The following CSMD1 variants were observed in gnomAD, a reference collection of about 807,000 sequenced individuals.
The protein encoded by CSMD1 is CUB and sushi domain-containing protein 1.
A neutral mutation model predicts 417.5 loss-of-function variants in CSMD1; 213 were observed. The ratio of observed to expected loss-of-function variants is 0.51; its 90% CI spans 0.46 to 0.57. The LOEUF is 0.57. Ranked by LOEUF, CSMD1 falls within the 20% of genes least tolerant of loss-of-function variation. The pLI is 0.00. For missense variants in CSMD1, 6,923 were observed against 4,529.7 expected, an observed-to-expected ratio of 1.53 and a Z score of -15.17; for synonymous variants, 2,862 against 1,736.8, an observed-to-expected ratio of 1.65 and a Z score of -16.11.
rs143734302 is a variant in CSMD1, at chr8:4,605,142, C to T, written c.302+32200G>A. Among the ~76,000 whole-genome samples, 326 of 152,208 alleles carry T rather than the reference C, an allele frequency of 2.1e-3. 1 individual carries two copies. Among genetic ancestry groups the T allele is most frequent in the African/African-American group, 7.7e-3 (318 of 41,530 alleles). ...ATCACTGAAATTAGTATTATGTCAC[C>T]GTGTTCACAATTCTCAAAAAAGACA... On this transcript the variant is annotated intron_variant, in intron 2 of 69. Coordinates refer to ENST00000635120, the MANE Select transcript of CSMD1 (RefSeq NM_033225.6).
At chr8:4,648,613 T>G (rs1233538859) in intron 1 of CSMD1, among the ~76,000 whole-genome samples, 1 of 152,224 alleles carries the variant, frequency 6.6e-6, no homozygotes, top group East Asian at 1.9e-4. Flanking sequence ...GCTGCATGGA[T>G]AAAATCATGA....
intron 1 of CSMD1, among the ~76,000 whole-genome samples, chr8:4,721,770 G>T (rs1398814181): frequency 6.6e-6 from 1 of 152,210 alleles, no homozygotes; most frequent in East Asian, 1.9e-4. Flanking sequence ...GTTCACTGAG[G>T]TATCATTCAC....
intron 6 of CSMD1, among the ~76,000 whole-genome samples, chr8:3,729,801 T>A (rs977562792): frequency 1.8e-4 from 27 of 151,932 alleles, no homozygotes; most frequent in African/African-American, 6.5e-4. Flanking sequence ...TGACCATGAT[T>A]TCTTCATTCT....
At chr8:3,930,312 G>A (rs2627334) in intron 5 of CSMD1, among the ~76,000 whole-genome samples, 82,299 of 149,736 alleles carry the variant, frequency 0.55, 24,461 homozygotes, top group African/African-American at 0.59. Context: ...TCAAAGACCT[G>A]TGCTAACACT....
At chr8:4,752,308 C>G (rs1317246202) in intron 1 of CSMD1, among the ~76,000 whole-genome samples, 2 of 152,136 alleles carry the variant, frequency 1.3e-5, no homozygotes, top group African/African-American at 4.8e-5. Context: ...CCTCTTTCAC[C>G]TTGCTTGAAA....
At chr8:4,411,100 G>A (rs566455347) in intron 3 of CSMD1, among the ~76,000 whole-genome samples, 1 of 152,100 alleles carries the variant, frequency 6.6e-6, no homozygotes, top group African/African-American at 2.4e-5. Flanking sequence ...TCCACGTGTG[G>A]CCACCTGATC....
chr8:4,988,320 G>C (rs1584956422), intron 1 of CSMD1, among the ~76,000 whole-genome samples: 1 of 152,308 alleles, frequency 6.6e-6, no homozygotes, highest in African/African-American at 2.4e-5. Context: ...TATTTGGGTG[G>C]AATGACAACA....
chr8:3,315,288 G>C lies in CSMD1; in HGVS notation c.3632-6785C>G, dbSNP rs143985545. Among the ~76,000 whole-genome samples the C allele has an allele frequency of 1.7e-3, 257 of 152,164 alleles. 1 individual carries two copies. Among genetic ancestry groups the C allele is most frequent in the African/African-American group, 5.8e-3 (242 of 41,528 alleles). ...AGGAAGGGAGTTTCAAAGGTAATTG[G>C]TTAAATTTATTTTTTATAGTTCACT... On this transcript the variant is annotated intron_variant, in intron 23 of 69. Coordinates refer to ENST00000635120, the MANE Select transcript of CSMD1 (RefSeq NM_033225.6).
At chr8:3,942,072 C>T (rs562291471) in intron 5 of CSMD1, among the ~76,000 whole-genome samples, 165 of 152,000 alleles carry the variant, frequency 1.1e-3, no homozygotes, top group African/African-American at 3.8e-3. Context: ...TGCAAGGGAT[C>T]TAGGTTTCGA....
chr8:3,499,881 C>A (rs564952550), intron 10 of CSMD1, among the ~76,000 whole-genome samples: 153 of 152,210 alleles, frequency 1.0e-3, no homozygotes, highest in Non-Finnish European at 1.7e-3. Context: ...CACCATGCTG[C>A]AGCAGCCTGA....
Position 4,762,269 on chromosome 8 carries a change from G to C in CSMD1, c.86-124711C>G, listed in dbSNP as rs183628491. Among the ~76,000 whole-genome samples, 6 of 152,186 alleles carry C rather than the reference G, an allele frequency of 3.9e-5. No homozygotes were observed. In the South Asian group the frequency reaches 6.2e-4, roughly 16 times the overall value. On this transcript the variant is annotated intron_variant, in intron 1 of 69. Coordinates refer to ENST00000635120, the MANE Select transcript of CSMD1 (RefSeq NM_033225.6). ...AAATCTAAACTAATGGGATAATTGT[G>C]TGGTTTACGGGTAATTGGGGAGAGA...
At chr8:3,955,561 T>G (rs1382788908) in intron 5 of CSMD1, among the ~76,000 whole-genome samples, 1 of 152,174 alleles carries the variant, frequency 6.6e-6, no homozygotes, top group African/African-American at 2.4e-5. Context: ...AAAAAATGTT[T>G]ACATATTCCA....
chr8:3,786,798 G>A (rs1014373128), intron 5 of CSMD1, among the ~76,000 whole-genome samples: 9 of 152,168 alleles, frequency 5.9e-5, no homozygotes, highest in African/African-American at 1.9e-4. Context: ...TCCTCAGGTG[G>A]TAGAGAGAGA....
intron 5 of CSMD1, among the ~76,000 whole-genome samples, chr8:3,987,707 G>A (rs1399058234): frequency 2.6e-5 from 4 of 152,186 alleles, no homozygotes; most frequent in African/African-American, 9.7e-5. Flanking sequence ...ACTGCAAGGT[G>A]GAACGAGGTC....
intron 3 of CSMD1, among the ~76,000 whole-genome samples, chr8:4,329,132 G>A (rs138110024): frequency 7.9e-5 from 12 of 152,200 alleles, no homozygotes; most frequent in Middle Eastern, 3.4e-3. Context: ...GCTTCCAAAC[G>A]TGTGTTATCT....
At chr8:4,070,506 C>T (rs1019143363) in intron 3 of CSMD1, among the ~76,000 whole-genome samples, 9 of 152,018 alleles carry the variant, frequency 5.9e-5, no homozygotes, top group African/African-American at 9.7e-5. Flanking sequence ...TACAGGCGCC[C>T]GCCACCACGG....
At chr8:4,250,066 G>C (rs1802959830) in intron 3 of CSMD1, among the ~76,000 whole-genome samples, 1 of 152,118 alleles carries the variant, frequency 6.6e-6, no homozygotes, top group Non-Finnish European at 1.5e-5. Context: ...CTCTCAGAGT[G>C]GGCTACCCCT....
At chr8:4,129,331 T>C (rs1563161076) in intron 3 of CSMD1, among the ~76,000 whole-genome samples, 1 of 152,220 alleles carries the variant, frequency 6.6e-6, no homozygotes, top group East Asian at 1.9e-4. Context: ...AGCCTGGGAA[T>C]TCATTTTTTG....
chr8:3,251,423 A>G (rs1015747782), intron 26 of CSMD1, among the ~76,000 whole-genome samples: 2 of 152,090 alleles, frequency 1.3e-5, no homozygotes, highest in Non-Finnish European at 2.9e-5. Context: ...ATTGGTCTAT[A>G]TCTCTGTTTT....
Sources: gnomAD v4.1 joint callset for allele counts (sites outside exome capture counted in the v4.1 genomes callset) on GRCh38, gnomAD v4.1.1 for gene constraint, MANE v1.5 for transcripts, NCBI Gene and HGNC (gene_info 2026-07-23, HGNC 2026-07-21) for gene names.